MEMO1: variants seen among roughly 807,000 people sequenced by gnomAD.
The protein encoded by MEMO1 is mediator of cell motility 1, also known as protein MEMO1.
In MEMO1, 6 loss-of-function variants were observed where a neutral mutation model predicts 45.2. The observed-to-expected ratio is 0.13, with a 90% CI of 0.07 to 0.26. The LOEUF (loss-of-function observed/expected upper bound fraction) is 0.26. Ranked by LOEUF, MEMO1 falls within the 10% of genes least tolerant of loss-of-function variation. The pLI is 1.00. For synonymous variants in MEMO1, 78 were observed against 124.3 expected, an observed-to-expected ratio of 0.63 and a Z score of 2.48; for missense variants, 184 against 370.5, an observed-to-expected ratio of 0.50 and a Z score of 4.13.
chr2:31,995,043 T>C (rs754205227), intron 2 of MEMO1, among the ~76,000 whole-genome samples: 8 of 151,464 alleles, frequency 5.3e-5, no homozygotes, highest in Non-Finnish European at 1.2e-4. Flanking sequence ...ACATGACCAA[T>C]AAACAGGAAG....
intron 2 of MEMO1, among the ~76,000 whole-genome samples, chr2:31,990,937 T>C (rs934036334): frequency 5.9e-5 from 9 of 152,240 alleles, no homozygotes; most frequent in South Asian, 4.1e-4. Context: ...ATCACCTTAA[T>C]GAATGTGTCA....
intron 6 of MEMO1, among the ~76,000 whole-genome samples, chr2:31,900,457 A>C (rs2148039445): frequency 6.6e-6 from 1 of 152,116 alleles, no homozygotes; most frequent in Admixed American, 6.5e-5. Flanking sequence ...GCATGTTCTC[A>C]CTCATTAACT....
intron 7 of MEMO1, among the ~76,000 whole-genome samples, chr2:31,890,237 A>G (rs552821875): frequency 6.6e-6 from 1 of 152,290 alleles, no homozygotes; most frequent in East Asian, 1.9e-4. Context: ...GAGAAAGCCC[A>G]GGTTCTAAAA....
chr2:31,954,758 C>T (rs941508739), intron 2 of MEMO1, among the ~76,000 whole-genome samples: 2 of 151,706 alleles, frequency 1.3e-5, no homozygotes, highest in African/African-American at 4.8e-5. Context: ...TGCTTGAACC[C>T]AGGAGGCGGA....
intron 2 of MEMO1, among the ~76,000 whole-genome samples, chr2:31,983,615 G>A (rs1396810322): frequency 1.3e-5 from 2 of 152,034 alleles, no homozygotes; most frequent in Non-Finnish European, 2.9e-5. Context: ...TGTATTTTTA[G>A]TAGAGACACG....
intron 6 of MEMO1, chr2:31,893,136 A>C (rs1023214444): frequency 5.7e-6 from 1 of 176,736 alleles, no homozygotes; most frequent in South Asian, 1.6e-4. Flanking sequence ...AATTCACAAA[A>C]GTTTTTAAAA....
At chr2:31,981,794 A>G (rs1394081013) in intron 2 of MEMO1, among the ~76,000 whole-genome samples, 3 of 152,274 alleles carry the variant, frequency 2.0e-5, no homozygotes, top group African/African-American at 7.2e-5. Context: ...ACAAACAGGC[A>G]TAATGACACC....
At chr2:31,968,459 T>C (rs190117678) in intron 2 of MEMO1, among the ~76,000 whole-genome samples, 17 of 152,322 alleles carry the variant, frequency 1.1e-4, no homozygotes, top group African/African-American at 4.1e-4. Context: ...CTGAACTATT[T>C]GCCACTACTA....
At chr2:31,890,654 A>G (rs1676833148) in intron 7 of MEMO1, among the ~76,000 whole-genome samples, 1 of 152,190 alleles carries the variant, frequency 6.6e-6, no homozygotes, top group Non-Finnish European at 1.5e-5. Flanking sequence ...GGGGTTGGAA[A>G]GGAAGTGCAA....
At chr2:32,001,411 G>A (rs774511626) in intron 2 of MEMO1, among the ~76,000 whole-genome samples, 18 of 151,866 alleles carry the variant, frequency 1.2e-4, no homozygotes, top group Non-Finnish European at 2.1e-4. Flanking sequence ...CAATTATTTT[G>A]TAATTATATA....
At chr2:31,981,284 G>A (rs956980470) in intron 2 of MEMO1, among the ~76,000 whole-genome samples, 1 of 152,160 alleles carries the variant, frequency 6.6e-6, no homozygotes. Context: ...CTCAATGACT[G>A]CCCATTTCCT....
intron 2 of MEMO1, among the ~76,000 whole-genome samples, chr2:31,956,606 T>C (rs893942635): frequency 1.3e-5 from 2 of 152,030 alleles, no homozygotes; most frequent in South Asian, 4.2e-4. Context: ...AATCTGAAAA[T>C]TGAATAGTCA....
At chr2:31,907,619 AC>A (rs1380306763) in intron 6 of MEMO1, among the ~76,000 whole-genome samples, 6 of 152,140 alleles carry the variant, frequency 3.9e-5, no homozygotes, top group Non-Finnish European at 5.9e-5. Context: ...ACATGGCGAA[AC>A]CCCCTCTACA....
intron 1 of MEMO1, 71 bp from the exon 2 acceptor site, chr2:32,010,335 C>G: frequency 1.4e-6 from 1 of 735,056 alleles, no homozygotes; most frequent in Non-Finnish European, 2.1e-6. Context: ...GGGGACGAGA[C>G]ACCGCGGGCC....
chr2:31,907,778 G>A (rs550271227), intron 6 of MEMO1, among the ~76,000 whole-genome samples: 11 of 135,212 alleles, frequency 8.1e-5, no homozygotes, highest in South Asian at 2.4e-4. Context: ...GAGCAAGACC[G>A]TGTCTTAAAC....
intron 6 of MEMO1, among the ~76,000 whole-genome samples, chr2:31,915,896 A>T (rs933474419): frequency 6.6e-6 from 1 of 152,180 alleles, no homozygotes; most frequent in African/African-American, 2.4e-5. Context: ...AGTAAAAGAT[A>T]ACTAATATAG....
rs150697337 is a variant in MEMO1, at chr2:31,914,462, T to C, written c.437+3464A>G. On this transcript the variant is annotated intron_variant, in intron 6 of 9. Coordinates refer to ENST00000404530, the MANE Select transcript of MEMO1 (RefSeq NM_001301833.4). ...AGGGTGACTATAGTCAATAACTCAA[T>C]TGTACATTTTTAAGTAACTAAAAGA... Among the ~76,000 whole-genome samples, 174 of 152,236 alleles carry C rather than the reference T, an allele frequency of 1.1e-3. 1 individual carries two copies. Among genetic ancestry groups the C allele is most frequent in the African/African-American group, 4.1e-3 (169 of 41,538 alleles).
chr2:31,904,370 T>C (rs1304166380), intron 6 of MEMO1, among the ~76,000 whole-genome samples: 3 of 152,234 alleles, frequency 2.0e-5, no homozygotes, highest in Non-Finnish European at 4.4e-5. Context: ...GGAATTTTGG[T>C]AGCTGTGGCT....
rs145061641 is a variant in MEMO1 at position 31,960,126 on chromosome 2, G to T, written c.62-16743C>A. Among the ~76,000 whole-genome samples, 1,245 of 152,030 alleles carry T rather than the reference G, an allele frequency of 8.2e-3. 18 individuals are homozygous for T. Among genetic ancestry groups the T allele is most frequent in the Non-Finnish European group, 0.012 (837 of 67,974 alleles). On this transcript the variant is annotated intron_variant, in intron 2 of 9. Coordinates refer to ENST00000404530, the MANE Select transcript of MEMO1 (RefSeq NM_001301833.4). ...GCATGAGAACTGCTTGGACCTAGGAGGCAGAAGTTGCAGTGAGTCGATATC... is the reference window on the plus strand; with the variant it reads ...GCATGAGAACTGCTTGGACCTAGGATGCAGAAGTTGCAGTGAGTCGATATC...
Sources: allele counts gnomAD v4.1 joint callset (sites outside exome capture counted in the v4.1 genomes callset), GRCh38; gene constraint gnomAD v4.1.1; transcripts MANE v1.5; gene names NCBI Gene and HGNC (gene_info 2026-07-23, HGNC 2026-07-21).